The following RDH11 variants were observed in gnomAD, a reference collection of about 807,000 sequenced individuals.
RDH11 encodes retinol dehydrogenase 11.
In RDH11, 19 loss-of-function variants were observed where a neutral mutation model predicts 33.4. The ratio of observed to expected loss-of-function variants is 0.57; its 90% CI spans 0.40 to 0.83. The LOEUF (loss-of-function observed/expected upper bound fraction) is 0.83. Among genes scored for constraint, RDH11 ranks in the 40% least tolerant of loss-of-function variants. RDH11 has a pLI of 0.00. For synonymous variants in RDH11, 154 were observed against 155.3 expected, an observed-to-expected ratio of 0.99 and a Z score of 0.06; for missense variants, 353 against 389.0, an observed-to-expected ratio of 0.91 and a Z score of 0.78.
chr14:67,695,401 G>A (rs2037817570), intron 1 of RDH11, among the ~76,000 whole-genome samples: 1 of 152,148 alleles, frequency 6.6e-6, no homozygotes, highest in Non-Finnish European at 1.5e-5. Context: ...AACAGGCCAG[G>A]GAAAAGCAGT....
chr14:67,679,070 T>G (rs1449133541), intron 6 of RDH11, among the ~76,000 whole-genome samples: 1 of 152,172 alleles, frequency 6.6e-6, no homozygotes, highest in Non-Finnish European at 1.5e-5. Flanking sequence ...TTATGGAAGC[T>G]GAGAAGTCCA....
chr14:67,693,126 T>C, intron 1 of RDH11, 74 bp from the exon 2 acceptor site: 1 of 944,766 alleles, frequency 1.1e-6, no homozygotes, highest in Non-Finnish European at 1.6e-6. Context: ...CAACTCCCTG[T>C]GTCTTCTGGC....
chr14:67,681,510 T>G (rs2037614980), intron 6 of RDH11, among the ~76,000 whole-genome samples: 1 of 152,086 alleles, frequency 6.6e-6, no homozygotes, highest in African/African-American at 2.4e-5. Context: ...AGGCCGGGTG[T>G]GGTGGCTCAT....
intron 5 of RDH11, among the ~76,000 whole-genome samples, chr14:67,687,707 G>A (rs2037698580): frequency 6.6e-6 from 1 of 151,548 alleles, no homozygotes; most frequent in African/African-American, 2.4e-5. Flanking sequence ...CTGACCTCAG[G>A]TGATCTACCC....
chr14:67,687,466 CCT>C (rs148843326), intron 5 of RDH11, among the ~76,000 whole-genome samples: 4,531 of 116,664 alleles, frequency 0.039, 152 homozygotes, highest in East Asian at 0.17. Flanking sequence ...CCTCCATATT[CCT>C]TTTTTTTTTT....
At chr14:67,690,800 T>A in intron 4 of RDH11, 1 of 372,584 alleles carries the variant, frequency 2.7e-6, no homozygotes, top group Non-Finnish European at 4.9e-6. Context: ...CTGGGCAACA[T>A]AGCAAGACCC....
chr14:67,685,289 T>A (rs1010876666), intron 5 of RDH11, 85 bp from the exon 6 acceptor site: 3 of 1,102,652 alleles, frequency 2.7e-6, no homozygotes, highest in Non-Finnish European at 3.9e-6. Context: ...TAAATAAGCA[T>A]GTGACCTTCA....
chr14:67,685,277 T>G, intron 5 of RDH11, 73 bp from the exon 6 acceptor site: 2 of 1,258,870 alleles, frequency 1.6e-6, no homozygotes, highest in Non-Finnish European at 2.2e-6. Context: ...CAGAAAAGGA[T>G]GTAAATAAGC....
At chr14:67,680,867 AAACT>A (rs1232539271) in intron 6 of RDH11, among the ~76,000 whole-genome samples, 1 of 152,266 alleles carries the variant, frequency 6.6e-6, no homozygotes, top group Non-Finnish European at 1.5e-5. Flanking sequence ...ACTAATTTCA[AAACT>A]TACTACAATG....
chr14:67,692,328 G>T (rs1368043431), intron 3 of RDH11, 110 bp downstream of exon 3: 2 of 1,149,430 alleles, frequency 1.7e-6, no homozygotes, highest in African/African-American at 1.6e-5. Context: ...GAAGTTTTTG[G>T]CTATATTTTA....
At position 67,693,064 on chromosome 14, in the gene RDH11, GA is replaced by G; in HGVS notation, c.75-13del. 1 of 1,575,100 alleles carries G rather than the reference GA, an allele frequency of 6.3e-7. No individual in the cohort carries two copies. On this transcript the variant is annotated splice_polypyrimidine_tract_variant and intron_variant, in intron 1 of 6. Coordinates refer to ENST00000381346, the MANE Select transcript of RDH11 (RefSeq NM_016026.4). ...TGGACAGCATTTTCCTGCAGACAGAGAAGGAGAGCTCATCAATTCTTCATTC... is the reference window on the plus strand; with the variant it reads ...TGGACAGCATTTTCCTGCAGACAGAGAGGAGAGCTCATCAATTCTTCATTC...
intron 5 of RDH11, among the ~76,000 whole-genome samples, chr14:67,686,572 G>A (rs2037680859): frequency 6.9e-6 from 1 of 144,620 alleles, no homozygotes; most frequent in Non-Finnish European, 1.5e-5. Flanking sequence ...CAGGGAGACA[G>A]AGGTTGTAGT....
At position 67,677,151 on chromosome 14, in the gene RDH11, C is replaced by T. The variant is rs1442572638; in HGVS notation, c.*1170G>A. On this transcript the variant is annotated 3_prime_UTR_variant, in exon 7 of 7. Coordinates refer to ENST00000381346, the MANE Select transcript of RDH11 (RefSeq NM_016026.4). ...ACACTCCAAACAAGTGATGGGAACA[C>T]TACTAATTCCTTAGACTTCCTTTGG... 1 of 152,104 alleles carries T rather than the reference C, an allele frequency of 6.6e-6. No individual in the cohort carries two copies. Among genetic ancestry groups the T allele is most frequent in the Non-Finnish European group, 1.5e-5 (1 of 68,028 alleles). The allele number at this position is 152,104 out of a possible 1,614,324, so 9.4% of individuals were successfully genotyped here. A position where few individuals can be genotyped will look rare whatever the true frequency, so the allele number is the denominator to read the frequency against.
Position 67,678,328 on chromosome 14 carries a change from AT to A in RDH11, c.949del (p.Ile317Ter), listed in dbSNP as rs763480898. On this transcript the variant is annotated frameshift_variant, in exon 7 of 7. Transcript: ENST00000381346. LOFTEE classifies it high-confidence loss of function. ...DVSCDLLGLP[I>X]D The stretch of plus-strand genomic sequence containing the variant: ...TCCAACTGGCACTGCCTGTTAGTCT[AT>A]TGGGAGGCCCAGCAGGTCACAACTG... 1.9e-5 allele frequency: 31 copies of A among 1,609,472 alleles called. No homozygotes were observed. In the East Asian group the frequency reaches 6.5e-4, roughly 34 times the overall value.
chr14:67,695,223 T>C (rs983747371), intron 1 of RDH11, among the ~76,000 whole-genome samples: 6 of 152,138 alleles, frequency 3.9e-5, no homozygotes, highest in Middle Eastern at 3.4e-3. Flanking sequence ...GAGGGCGAAA[T>C]GTGGAATCGC....
rs1224623916 is a variant in RDH11 at position 67,678,099 on chromosome 14, A to G, written c.*222T>C. The G allele has an allele frequency of 6.3e-6, 3 of 477,536 alleles. No homozygotes were observed. The highest frequency in any genetic ancestry group is 3.9e-5 in the African/African-American group (2 of 50,786). The allele number at this position is 477,536 out of a possible 1,614,324, so 29.6% of individuals were successfully genotyped here. A position where few individuals can be genotyped will look rare whatever the true frequency, so the allele number is the denominator to read the frequency against. The stretch of plus-strand genomic sequence containing the variant: ...CTTCTTATCCTATTATGATATCTCT[A>G]GTAACTCTGGCAGTAACAGAAGCAA... On this transcript the variant is annotated 3_prime_UTR_variant, in exon 7 of 7. Coordinates refer to ENST00000381346, the MANE Select transcript of RDH11 (RefSeq NM_016026.4).
In RDH11 at chr14:67,695,684, G is replaced by A. The variant is rs1230953475; in HGVS notation, c.20C>T (p.Pro7Leu). The A allele has an allele frequency of 6.2e-7, 1 of 1,614,178 alleles. No individual in the cohort carries two copies. Among genetic ancestry groups the A allele is most frequent in the African/African-American group, 1.3e-5 (1 of 75,074 alleles). ...GAAGGGCAGAAGGAGGAGCAACAGC[G>A]GGAACATGAGCTCAACCATCTCTGC... is the stretch of plus-strand genomic sequence containing the variant. MVELMF[P>L]LLLLLLPFLL... The change falls in exon 1 of 7, where the codon CCG becomes CTG. Residue 7 changes from proline (P) to leucine (L), a missense_variant. By Grantham distance (98) the Pro-to-Leu change is moderately conservative (BLOSUM62 -3). Coordinates refer to ENST00000381346, the MANE Select transcript of RDH11 (RefSeq NM_016026.4).
intron 6 of RDH11, among the ~76,000 whole-genome samples, chr14:67,684,325 G>A (rs1439089797): frequency 6.6e-6 from 1 of 152,138 alleles, no homozygotes; most frequent in Non-Finnish European, 1.5e-5. Flanking sequence ...TTGATCTTAT[G>A]TGATGCCTGG....
At chr14:67,680,203 C>T (rs918003442) in intron 6 of RDH11, among the ~76,000 whole-genome samples, 1 of 152,208 alleles carries the variant, frequency 6.6e-6, no homozygotes, top group African/African-American at 2.4e-5. Context: ...GTCACGTTTA[C>T]AAAACAAGTC....
Sources: allele counts gnomAD v4.1 joint callset (sites outside exome capture counted in the v4.1 genomes callset), GRCh38; gene constraint gnomAD v4.1.1; transcripts MANE v1.5; gene names NCBI Gene and HGNC (gene_info 2026-07-23, HGNC 2026-07-21).